The following CCDC80 variants were observed in gnomAD, a reference collection of about 807,000 sequenced individuals.
The protein encoded by CCDC80 is coiled-coil domain containing 80.
Under a neutral mutation model 78.7 loss-of-function variants are expected in CCDC80, and 49 were observed. The observed-to-expected ratio is 0.62, with a 90% CI of 0.50 to 0.79. CCDC80 has a LOEUF of 0.79. Ranked by LOEUF, CCDC80 falls within the 30% of genes least tolerant of loss-of-function variation. The pLI is 0.00. For synonymous variants in CCDC80, 488 were observed against 447.0 expected (o/e 1.09, Z -1.16); for missense variants, 1,205 against 1,198.6 (o/e 1.01, Z -0.08).
chr3:112,619,674 A>G (rs1025261766), intron 3 of CCDC80, among the ~76,000 whole-genome samples: 1 of 152,250 alleles, frequency 6.6e-6, no homozygotes, highest in African/African-American at 2.4e-5. Context: ...CAAATTTTGT[A>G]AGTGAACACA....
intron 7 of CCDC80, 68 bp downstream of exon 7, chr3:112,607,108 A>G: frequency 8.5e-7 from 1 of 1,179,524 alleles, no homozygotes; most frequent in Admixed American, 1.9e-5. Flanking sequence ...CACTGCTTGC[A>G]TATAACTTAA....
chr3:112,632,431 T>C (rs755109920), intron 2 of CCDC80, among the ~76,000 whole-genome samples: 5 of 152,164 alleles, frequency 3.3e-5, no homozygotes, highest in Non-Finnish European at 5.9e-5. Context: ...GCTTAGATGT[T>C]AGATGACAGA....
chr3:112,620,204 G>A (rs1935835794), intron 3 of CCDC80, among the ~76,000 whole-genome samples: 1 of 152,166 alleles, frequency 6.6e-6, no homozygotes. Context: ...CAATTTAACT[G>A]TTACTTTTAT....
intron 6 of CCDC80, among the ~76,000 whole-genome samples, chr3:112,608,203 A>G (rs1454157866): frequency 6.6e-6 from 1 of 152,242 alleles, no homozygotes; most frequent in Non-Finnish European, 1.5e-5. Context: ...TCATAGTTTT[A>G]AATAAAGTCC....
At chr3:112,621,335 G>A (rs1357900913) in intron 3 of CCDC80, among the ~76,000 whole-genome samples, 1 of 152,164 alleles carries the variant, frequency 6.6e-6, no homozygotes, top group East Asian at 1.9e-4. Context: ...GTCAAGCCAA[G>A]TTACCCTGTT....
chr3:112,616,599 G>A, intron 5 of CCDC80, 111 bp downstream of exon 5: 1 of 1,253,190 alleles, frequency 8.0e-7, no homozygotes. Context: ...TTTCTCCAAG[G>A]AGGATTACTC....
intron 3 of CCDC80, among the ~76,000 whole-genome samples, chr3:112,623,111 G>A (rs961634153): frequency 1.1e-4 from 16 of 152,172 alleles, no homozygotes; most frequent in Admixed American, 2.0e-4. Flanking sequence ...CCCAGGGAAG[G>A]TGAACTCTGT....
chr3:112,638,475 G>A lies in CCDC80; in HGVS notation c.1431C>T (p.Asp477=). ...TGGGAGGACCTGGCACCACATTTGG[G>A]TCTCGGTGGCCATGTTCCCGCCTGT... ...RMDRREHGHR[D]PNVVPGPPKP... The change falls in exon 2 of 8, where the codon GAC becomes GAT. Residue 477 remains aspartate, a synonymous_variant. Transcript: ENST00000206423. 6.2e-7 allele frequency: 1 copy of A among 1,613,642 alleles called. No homozygotes were observed. Among genetic ancestry groups the A allele is most frequent in the South Asian group, 1.1e-5 (1 of 91,028 alleles).
At position 112,601,401 on chromosome 3, in the gene CCDC80, C is replaced by A. The variant is rs759042418; in HGVS notation, c.*4016G>T. 6.6e-6 allele frequency: 1 copy of A among 152,206 alleles called. No homozygotes were observed. Among genetic ancestry groups the A allele is most frequent in the Admixed American group, 6.5e-5 (1 of 15,292 alleles). 9.4% of individuals were successfully genotyped at this position (152,206 alleles called of 1,614,324 possible). ...ATGATTAATAACAGTGGAAAATAGC[C>A]TTCCCATTATTGTTAGAGGATGGTG... On this transcript the variant is annotated 3_prime_UTR_variant, in exon 8 of 8. Transcript: ENST00000206423.
intron 3 of CCDC80, among the ~76,000 whole-genome samples, chr3:112,624,343 T>C (rs1236723502): frequency 6.6e-6 from 1 of 152,252 alleles, no homozygotes; most frequent in African/African-American, 2.4e-5. Context: ...CAAAACTCTC[T>C]TGGTTGTGCT....
At chr3:112,622,477 G>A (rs983958764) in intron 3 of CCDC80, among the ~76,000 whole-genome samples, 2 of 152,058 alleles carry the variant, frequency 1.3e-5, no homozygotes, top group African/African-American at 2.4e-5. Flanking sequence ...TCCTGCCACC[G>A]GTCTTTCTTG....
intron 2 of CCDC80, among the ~76,000 whole-genome samples, chr3:112,636,178 C>G (rs1457994134): frequency 2.0e-5 from 3 of 152,160 alleles, no homozygotes; most frequent in Non-Finnish European, 4.4e-5. Context: ...CTGGAGCAAA[C>G]CACTAATTCT....
intron 6 of CCDC80, among the ~76,000 whole-genome samples, chr3:112,608,641 G>A (rs1258452415): frequency 6.6e-6 from 1 of 152,074 alleles, no homozygotes; most frequent in Non-Finnish European, 1.5e-5. Context: ...TTCTTGTAAA[G>A]GTTCTTAACT....
chr3:112,609,473 A>C (rs1935581346), intron 6 of CCDC80, among the ~76,000 whole-genome samples: 1 of 152,182 alleles, frequency 6.6e-6, no homozygotes, highest in African/African-American at 2.4e-5. Context: ...TTTTTAAAAA[A>C]AATTCTTTCA....
intron 5 of CCDC80, 88 bp from the exon 6 acceptor site, chr3:112,610,169 A>T (rs1935596352): frequency 3.5e-6 from 4 of 1,130,952 alleles, no homozygotes; most frequent in Non-Finnish European, 5.3e-6. Context: ...TAGGCTAGCA[A>T]TTTTTTTCTG....
At chr3:112,610,134 A>T (rs1281260838) in intron 5 of CCDC80, 53 bp from the exon 6 acceptor site, 1 of 1,497,408 alleles carries the variant, frequency 6.7e-7, no homozygotes, top group East Asian at 2.3e-5. Flanking sequence ...AACAATAAAA[A>T]CCAATGTAGG....
Position 112,605,666 on chromosome 3 carries a change from T to C in CCDC80, c.2604A>G (p.Leu868=). 1 of 1,614,234 alleles carries C rather than the reference T, an allele frequency of 6.2e-7. No homozygotes were observed. Among genetic ancestry groups the C allele is most frequent in the Non-Finnish European group, 8.5e-7 (1 of 1,180,034 alleles). Residue 868 remains leucine, a synonymous_variant, in exon 8 of 8, where the codon CTA becomes CTG. Coordinates refer to ENST00000206423, the MANE Select transcript of CCDC80 (RefSeq NM_199511.3). ...QVSPEYFSML[L]VGKDGNVKSW... is the part of the protein sequence containing the mutation. ...ATTTGACATTTCCGTCTTTTCCGAC[T>C]AGAAGCATGGAGAAGTACTCCGGGC...
rs982928455 is a variant in CCDC80 at position 112,602,499 on chromosome 3, C to T, written c.*2918G>A. 6.6e-6 allele frequency: 1 copy of T among 152,150 alleles called. No homozygotes were observed. The highest frequency in any genetic ancestry group is 6.5e-5 in the Admixed American group (1 of 15,280). 9.4% of individuals were successfully genotyped at this position (152,150 alleles called of 1,614,324 possible). A position where few individuals can be genotyped will look rare whatever the true frequency, so the allele number is the denominator to read the frequency against. On this transcript the variant is annotated 3_prime_UTR_variant, in exon 8 of 8. Coordinates refer to ENST00000206423, the MANE Select transcript of CCDC80 (RefSeq NM_199511.3). ...ATGCCAAACAACCAAGTTGTAAATGCAAAGGAAAAGTTCTTGAAGGAAATT... is the reference window on the plus strand; with the variant it reads ...ATGCCAAACAACCAAGTTGTAAATGTAAAGGAAAAGTTCTTGAAGGAAATT...
In CCDC80 at chr3:112,605,731, C is replaced by T. The variant is rs1320646315; in HGVS notation, c.2539G>A (p.Ala847Thr). 1.2e-6 allele frequency: 2 copies of T among 1,614,102 alleles called. No individual in the cohort carries two copies. Among genetic ancestry groups the T allele is most frequent in the South Asian group, 2.2e-5 (2 of 91,078 alleles). ...SSVVEREDVP[A>T]HLVKDIRNYF... ...TTACGAATGTCTTTCACCAAATGGG[C>T]TGGTACGTCTTCTCGCTCAACAACA... Residue 847 changes from alanine to threonine, a missense_variant, in exon 8 of 8, where the codon GCC (alanine) becomes ACC (threonine). Physicochemically the swap from Ala to Thr is moderately conservative, Grantham distance 58. Coordinates refer to ENST00000206423, the MANE Select transcript of CCDC80 (RefSeq NM_199511.3).
Sources: gnomAD v4.1 joint callset for allele counts (sites outside exome capture counted in the v4.1 genomes callset) on GRCh38, gnomAD v4.1.1 for gene constraint, MANE v1.5 for transcripts, NCBI Gene and HGNC (gene_info 2026-07-23, HGNC 2026-07-21) for gene names.